Variants in KIAA0586 observed in about 807,000 individuals in gnomAD.
KIAA0586 encodes the protein KIAA0586.
In KIAA0586, 144 loss-of-function variants were observed where a neutral mutation model predicts 169.8. That is an observed-to-expected ratio of 0.85 (90% confidence interval 0.74 to 0.97). The LOEUF is 0.97. Among genes scored for constraint, KIAA0586 ranks in the 50% least tolerant of loss-of-function variants. KIAA0586 has a pLI of 0.00. For synonymous variants in KIAA0586, 625 were observed against 612.4 expected (o/e 1.02, Z -0.30); for missense variants, 1,854 against 1,823.0 (o/e 1.02, Z -0.31).
At position 58,427,958 on chromosome 14, in the gene KIAA0586, A is replaced by G; in HGVS notation, c.-307A>G. On this transcript the variant is annotated 5_prime_UTR_variant, in exon 1 of 31. Transcript: ENST00000652326. ...CACTACATGTGTTTGGTTTTGCCCT[A>G]CCAGCTCTGGGGTTGGGGAGTGCAC... The G allele has an allele frequency of 7.1e-7, 1 of 1,404,420 alleles. No homozygotes were observed. Among genetic ancestry groups the G allele is most frequent in the Non-Finnish European group, 9.3e-7 (1 of 1,079,480 alleles). 87.0% of individuals were successfully genotyped at this position (1,404,420 alleles called of 1,614,324 possible). A position where few individuals can be genotyped will look rare whatever the true frequency, so the allele number is the denominator to read the frequency against.
chr14:58,498,841 C>T lies in KIAA0586; in HGVS notation c.4049C>T (p.Ala1350Val), dbSNP rs758712811. ...GGACAAAGACCCCAGCTAACAGCGG[C>T]AGCAGAGAACATCTTAATGGGACAT... ...SEGQRPQLTA[A>V]AENILMGHSL... Residue 1350 changes from alanine (A) to valine (V), a missense_variant, in exon 27 of 31, where the codon GCA (alanine) becomes GTA (valine). By Grantham distance (64) the Ala-to-Val change is moderately conservative. Coordinates refer to ENST00000652326, the MANE Select transcript of KIAA0586 (RefSeq NM_001329943.3). 1 of 1,611,520 alleles carries T rather than the reference C, an allele frequency of 6.2e-7. No individual in the cohort carries two copies. Among genetic ancestry groups the T allele is most frequent in the Non-Finnish European group, 8.5e-7 (1 of 1,178,796 alleles).
intron 29 of KIAA0586, among the ~76,000 whole-genome samples, chr14:58,539,549 C>T (rs2046509010): frequency 6.6e-6 from 1 of 152,088 alleles, no homozygotes; most frequent in East Asian, 1.9e-4. Context: ...AGATTTTTTC[C>T]TCAGCCTATT....
chr14:58,504,809 A>G (rs997457072), intron 27 of KIAA0586, among the ~76,000 whole-genome samples: 6 of 152,120 alleles, frequency 3.9e-5, no homozygotes, highest in Non-Finnish European at 8.8e-5. Context: ...CCTGACCCTT[A>G]TCACTGGGTT....
chr14:58,556,779 CTTG>C, the KIAA0586 span, among the ~76,000 whole-genome samples: 1 of 152,042 alleles, frequency 6.6e-6, no homozygotes, highest in Admixed American at 6.6e-5. Flanking sequence ...GAGTTTGGCT[CTTG>C]TTGTCCAGGC....
Position 58,458,503 on chromosome 14 carries a change from G to A in KIAA0586, c.1614G>A (p.Lys538=). The A allele has an allele frequency of 6.5e-7, 1 of 1,546,488 alleles. No homozygotes were observed. The highest frequency in any genetic ancestry group is 8.7e-7 in the Non-Finnish European group (1 of 1,143,350). The change falls in exon 12 of 31, where the codon AAG becomes AAA. Residue 538 remains lysine (K), a synonymous_variant. Transcript: ENST00000652326. The part of the protein sequence containing the change: ...REMSEKIRIR[K]TVDEWIKTIS... ...TGTCAGAGAAAATTAGGATCAGAAA[G>A]ACAGTGGATGAATGGATTAAAACTA...
rs1453647321 is a variant in KIAA0586 at position 58,474,922 on chromosome 14, C to A, written c.2825+125C>A. On this transcript the variant is annotated intron_variant, in intron 19 of 30. Transcript: ENST00000652326. ...TATTAAACTTTCTTTGCTTTAGTCA[C>A]TGGAAAGTGTTTGATATAATGCTGA... is the stretch of plus-strand genomic sequence containing the variant. 5.4e-6 allele frequency: 4 copies of A among 736,908 alleles called. No homozygotes were observed. The Admixed American group carries it at 9.7e-5, about 18-fold the overall frequency. The allele number at this position is 736,908 out of a possible 1,614,324, so 45.6% of individuals were successfully genotyped here.
chr14:58,532,648 T>C (rs2046053044), intron 29 of KIAA0586, among the ~76,000 whole-genome samples: 1 of 152,240 alleles, frequency 6.6e-6, no homozygotes, highest in African/African-American at 2.4e-5. Flanking sequence ...TGACAAATGC[T>C]GTGTAATACA....
At chr14:58,482,769 C>T (rs2042124792) in intron 21 of KIAA0586, 57 bp downstream of exon 21, 2 of 1,167,802 alleles carry the variant, frequency 1.7e-6, no homozygotes, top group African/African-American at 1.6e-5. Flanking sequence ...GAATTTTAAG[C>T]TGCATACCAT....
At chr14:58,453,004 G>A (rs556821950) in intron 8 of KIAA0586, among the ~76,000 whole-genome samples, 4 of 151,442 alleles carry the variant, frequency 2.6e-5, no homozygotes, top group South Asian at 2.1e-4. Flanking sequence ...TGCAACCTCC[G>A]TGTCCCAGGT....
chr14:58,451,006 T>A (rs1417110241), intron 8 of KIAA0586, among the ~76,000 whole-genome samples: 2 of 63,012 alleles, frequency 3.2e-5, no homozygotes, highest in African/African-American at 6.3e-5. Flanking sequence ...TTTTTTTTTC[T>A]GAGACGGAGT....
intron 30 of KIAA0586, among the ~76,000 whole-genome samples, chr14:58,541,962 A>G (rs974298811): frequency 6.6e-6 from 1 of 152,264 alleles, no homozygotes; most frequent in Non-Finnish European, 1.5e-5. Context: ...CTTTAAAAGC[A>G]TCAAACTATA....
chr14:58,468,468 G>A (rs1290700412), intron 16 of KIAA0586, among the ~76,000 whole-genome samples: 2 of 152,070 alleles, frequency 1.3e-5, no homozygotes, highest in Admixed American at 6.6e-5. Context: ...ATATTCCAAG[G>A]GGAACAATTG....
Position 58,443,983 on chromosome 14 carries a change from T to C in KIAA0586, c.615T>C (p.Asn205=). 6.2e-7 allele frequency: 1 copy of C among 1,608,838 alleles called. No individual in the cohort carries two copies. Among genetic ancestry groups the C allele is most frequent in the Non-Finnish European group, 8.5e-7 (1 of 1,176,948 alleles). Residue 205 remains asparagine (N), a synonymous_variant, in exon 6 of 31, where the codon AAT becomes AAC. Transcript: ENST00000652326. ...AGAGTGATTTGGAAGCAAAAGTCAA[T>C]TCTGTTACAGAATTACTTAGTAAAT... ...KVQSDLEAKV[N]SVTELLSKLQ...
At chr14:58,488,154 G>A in intron 23 of KIAA0586, 45 bp downstream of exon 23, 1 of 1,395,378 alleles carries the variant, frequency 7.2e-7, no homozygotes, top group East Asian at 2.5e-5. Flanking sequence ...TTCAACTTAT[G>A]TTTGACTTAT....
intron 30 of KIAA0586, among the ~76,000 whole-genome samples, chr14:58,540,904 T>C (rs1286528374): frequency 2.0e-5 from 3 of 152,234 alleles, no homozygotes; most frequent in African/African-American, 4.8e-5. Flanking sequence ...GCTATGATGT[T>C]GCAAATCTGT....
chr14:58,553,560 G>A (rs1219231432), downstream of KIAA0586, among the ~76,000 whole-genome samples: 1 of 144,824 alleles, frequency 6.9e-6, no homozygotes, highest in Non-Finnish European at 1.5e-5. Context: ...TCATTGTCTT[G>A]GGTGGAATTT....
the KIAA0586 span, among the ~76,000 whole-genome samples, chr14:58,558,103 G>T: frequency 2.8e-4 from 43 of 151,600 alleles, no homozygotes; most frequent in East Asian, 8.4e-3. Flanking sequence ...TTGAGACAGG[G>T]TTTCACCATG....
At chr14:58,558,932 G>A in the KIAA0586 span, among the ~76,000 whole-genome samples, 4 of 152,202 alleles carry the variant, frequency 2.6e-5, no homozygotes. Context: ...ATTTAGACAG[G>A]AATTTATAAG....
chr14:58,498,948 G>T lies in KIAA0586; in HGVS notation c.4156G>T (p.Asp1386Tyr), dbSNP rs2141310739. 1 of 1,601,624 alleles carries T rather than the reference G, an allele frequency of 6.2e-7. No individual in the cohort carries two copies. The highest frequency in any genetic ancestry group is 1.1e-5 in the South Asian group (1 of 88,242). The change falls in exon 27 of 31, where the codon GAC (aspartate) becomes TAC (tyrosine). Residue 1386 changes from aspartate (D) to tyrosine (Y), a missense_variant. Physicochemically the swap from Asp to Tyr is radical, Grantham distance 160 (BLOSUM62 -3). Coordinates refer to ENST00000652326, the MANE Select transcript of KIAA0586 (RefSeq NM_001329943.3). ...CDPKPLSRQF[D>Y]TVSGSIYEDS... Reference sequence around the variant, plus strand: ...TCCTAAACCATTATCTCGGCAATTTGACACAGTTTCAGGTAGACACCAAAA... The same window carrying T: ...TCCTAAACCATTATCTCGGCAATTTTACACAGTTTCAGGTAGACACCAAAA...
Sources: gnomAD v4.1 joint callset for allele counts (sites outside exome capture counted in the v4.1 genomes callset) on GRCh38, gnomAD v4.1.1 for gene constraint, MANE v1.5 for transcripts, NCBI Gene and HGNC (gene_info 2026-07-23, HGNC 2026-07-21) for gene names.